The following ARHGAP21 variants were observed in gnomAD, a reference collection of about 807,000 sequenced individuals.
ARHGAP21 encodes Rho GTPase activating protein 21, also known as rho GTPase-activating protein 21.
A neutral mutation model predicts 164.6 loss-of-function variants in ARHGAP21; 38 were observed. The ratio of observed to expected loss-of-function variants is 0.23; its 90% CI spans 0.18 to 0.30. The LOEUF (loss-of-function observed/expected upper bound fraction) is 0.30, where lower values mean the gene tolerates loss of function less well. ARHGAP21 is among the 10% of genes least tolerant of loss of function. ARHGAP21 has a pLI of 1.00. For missense variants in ARHGAP21, 1,822 were observed against 2,370.7 expected (o/e 0.77, Z 4.81); for synonymous variants, 766 against 857.9 (o/e 0.89, Z 1.87).
chr10:24,678,555 C>T (rs1841486065), intron 2 of ARHGAP21, among the ~76,000 whole-genome samples: 1 of 152,092 alleles, frequency 6.6e-6, no homozygotes, highest in African/African-American at 2.4e-5. Flanking sequence ...GGCTGGAATG[C>T]AGTGGTATAA....
chr10:24,686,933 C>A (rs1349411618), intron 2 of ARHGAP21, among the ~76,000 whole-genome samples: 4 of 152,156 alleles, frequency 2.6e-5, no homozygotes, highest in Non-Finnish European at 4.4e-5. Context: ...ATCCATAATC[C>A]CAGCACTTTG....
chr10:24,621,819 AAATT>A (rs1271837796), intron 8 of ARHGAP21, among the ~76,000 whole-genome samples: 6 of 149,140 alleles, frequency 4.0e-5, no homozygotes, highest in South Asian at 2.1e-4. Context: ...CTACTATAAT[AAATT>A]AAGTCTAATT....
At chr10:24,718,111 A>G (rs1204142055) in intron 2 of ARHGAP21, among the ~76,000 whole-genome samples, 1 of 152,182 alleles carries the variant, frequency 6.6e-6, no homozygotes, top group African/African-American at 2.4e-5. Context: ...AGGTGGGGGT[A>G]GTGGGTATTG....
rs1180157703 is a variant in ARHGAP21 at position 24,607,534 on chromosome 10, A to G, written c.2649T>C (p.Asp883=). The G allele has an allele frequency of 1.9e-6, 3 of 1,613,826 alleles. No individual in the cohort carries two copies. Among genetic ancestry groups the G allele is most frequent in the East Asian group, 2.2e-5 (1 of 44,888 alleles). Residue 883 remains aspartate, a synonymous_variant, in exon 11 of 26, where the codon GAT becomes GAC. Transcript: ENST00000396432. ...NSKTERSKSY[D]EGLDDYREDA... Reference sequence around the variant, plus strand: ...CTTCTCTGTAATCATCCAGACCCTCATCATATGATTTTGATCTTTCTGTCT... The same window carrying G: ...CTTCTCTGTAATCATCCAGACCCTCGTCATATGATTTTGATCTTTCTGTCT...
intron 4 of ARHGAP21, among the ~76,000 whole-genome samples, chr10:24,637,267 T>C (rs1214697379): frequency 6.6e-6 from 1 of 152,240 alleles, no homozygotes. Context: ...AATACTTTCT[T>C]ATCAATTCAA....
rs758564408 is a variant in ARHGAP21 at position 24,591,216 on chromosome 10, AAG to A, written c.4150+7_4150+8del. 7.6e-5 allele frequency: 122 copies of A among 1,605,838 alleles called. 1 individual carries two copies. The South Asian group carries it at 1.3e-3, about 17-fold the overall frequency. On this transcript the variant is annotated splice_region_variant and intron_variant, in intron 24 of 25. Coordinates refer to ENST00000396432, the MANE Select transcript of ARHGAP21 (RefSeq NM_020824.4). Reference sequence around the variant, plus strand: ...GCCTAGAGGTCAAGACTGCCCAGGCAAGAGTTACCTGATACATCTCCTGGGGA... The same window carrying A: ...GCCTAGAGGTCAAGACTGCCCAGGCAAGTTACCTGATACATCTCCTGGGGA...
At chr10:24,644,768 C>T (rs1474463261) in intron 4 of ARHGAP21, among the ~76,000 whole-genome samples, 2 of 152,180 alleles carry the variant, frequency 1.3e-5, no homozygotes, top group Non-Finnish European at 2.9e-5. Context: ...CTTTCTCTGA[C>T]CAGCTCTTAG....
At chr10:24,590,955 AAAAAAG>A in intron 24 of ARHGAP21, 1 of 968,596 alleles carries the variant, frequency 1.0e-6, no homozygotes, top group Non-Finnish European at 1.2e-6. Context: ...AAAAAAAAAA[AAAAAAG>A]AACAAAACAG....
rs1834509542 is a variant in ARHGAP21, at chr10:24,621,213, T to C, written c.682A>G (p.Ser228Gly). ...ACTGGTGTACTGGTTTGCTGTTTGC[T>C]CAATGATGAGTCAGGAGGAGATATT... ...VEISPPDSSL[S>G]KQQTSTPVLT... Residue 228 changes from serine to glycine, a missense_variant, in exon 9 of 26, where the codon AGC becomes GGC. Ser to Gly is a moderately conservative substitution (Grantham distance 56). Transcript: ENST00000396432. 1.3e-5 allele frequency: 21 copies of C among 1,613,960 alleles called. No individual in the cohort carries two copies. The highest frequency in any genetic ancestry group is 1.7e-5 in the Non-Finnish European group (20 of 1,179,872).
chr10:24,614,764 CAG>C (rs1304372460), intron 9 of ARHGAP21, among the ~76,000 whole-genome samples: 7 of 122,786 alleles, frequency 5.7e-5, no homozygotes, highest in Admixed American at 1.9e-4. Flanking sequence ...GGCTGGGTGA[CAG>C]AGTGAGACTC....
At chr10:24,687,839 TAC>T (rs1842358612) in intron 2 of ARHGAP21, among the ~76,000 whole-genome samples, 2 of 152,328 alleles carry the variant, frequency 1.3e-5, no homozygotes, top group South Asian at 4.1e-4. Flanking sequence ...AAGAAAAAGC[TAC>T]AGACGGTCAG....
chr10:24,625,453 C>T (rs1835048865), intron 7 of ARHGAP21, among the ~76,000 whole-genome samples: 1 of 152,072 alleles, frequency 6.6e-6, no homozygotes, highest in Admixed American at 6.6e-5. Context: ...AGATGCCAAC[C>T]ATGCCAGCAT....
In ARHGAP21 at chr10:24,600,850, T is replaced by C. The variant is rs373401343; in HGVS notation, c.2928A>G (p.Lys976=). The change falls in exon 14 of 26, where the codon AAA becomes AAG. Residue 976 remains lysine (K), a synonymous_variant. Coordinates refer to ENST00000396432, the MANE Select transcript of ARHGAP21 (RefSeq NM_020824.4). The part of the protein sequence containing the change: ...RGHSLYLYKD[K]REQTTPSEEE... ...CCTCAGACGGAGTCGTCTGCTCTCT[T>C]TTATCTTTGTACAGGTAAAGTGAAT... 1.4e-5 allele frequency: 23 copies of C among 1,614,088 alleles called. No individual in the cohort carries two copies. The highest frequency in any genetic ancestry group is 8.5e-7 in the Non-Finnish European group (1 of 1,180,022).
intron 4 of ARHGAP21, among the ~76,000 whole-genome samples, chr10:24,647,837 T>C (rs981189113): frequency 5.9e-5 from 9 of 152,202 alleles, no homozygotes; most frequent in African/African-American, 2.2e-4. Context: ...TTACTTTGTA[T>C]ATTCTTTTCT....
At chr10:24,595,343 A>C (rs1455165924) in intron 19 of ARHGAP21, among the ~76,000 whole-genome samples, 153 bp from the exon 20 acceptor site, 1 of 152,200 alleles carries the variant, frequency 6.6e-6, no homozygotes. Context: ...TCCCTGCAGG[A>C]ACCATCCTAT....
intron 2 of ARHGAP21, among the ~76,000 whole-genome samples, chr10:24,713,730 C>A (rs1180482116): frequency 6.6e-6 from 1 of 151,888 alleles, no homozygotes; most frequent in Non-Finnish European, 1.5e-5. Context: ...GACTCTACCT[C>A]CCAAAGTACT....
chr10:24,685,715 G>A (rs1483066385), intron 2 of ARHGAP21, among the ~76,000 whole-genome samples: 2 of 151,968 alleles, frequency 1.3e-5, no homozygotes, highest in Non-Finnish European at 2.9e-5. Flanking sequence ...GTCTCTACTA[G>A]AAATACAAAA....
chr10:24,660,701 A>C (rs1306055396), intron 4 of ARHGAP21, among the ~76,000 whole-genome samples: 1 of 152,224 alleles, frequency 6.6e-6, no homozygotes, highest in Non-Finnish European at 1.5e-5. Context: ...TTTGCACCAA[A>C]GAATGAAATG....
At chr10:24,625,299 G>GCAAAAAAAAAAAAAAAAAAAAAAAC (rs768183583) in intron 7 of ARHGAP21, among the ~76,000 whole-genome samples, 1 of 53,800 alleles carries the variant, frequency 1.9e-5, no homozygotes, top group Non-Finnish European at 3.4e-5. Context: ...ATGAAACAGA[G>GCAAAAAAAAAAAAAAAAAAAAAAAC]AAAAAAAAAA....
Sources: gnomAD v4.1 joint callset for allele counts (sites outside exome capture counted in the v4.1 genomes callset) on GRCh38, gnomAD v4.1.1 for gene constraint, MANE v1.5 for transcripts, NCBI Gene and HGNC (gene_info 2026-07-23, HGNC 2026-07-21) for gene names.